The following MTHFD2L variants were observed in gnomAD, a reference collection of about 807,000 sequenced individuals.
MTHFD2L encodes bifunctional methylenetetrahydrofolate dehydrogenase/cyclohydrolase 2, mitochondrial.
Under a neutral mutation model 34.9 loss-of-function variants are expected in MTHFD2L, and 29 were observed. That is an observed-to-expected ratio of 0.83 (90% confidence interval 0.62 to 1.13). MTHFD2L has a LOEUF of 1.13. Among genes scored for constraint, MTHFD2L ranks in the 50% most tolerant of loss-of-function variants. MTHFD2L has a pLI of 0.00. For synonymous variants in MTHFD2L, 167 were observed against 155.7 expected (o/e 1.07, Z -0.54); for missense variants, 481 against 446.5 (o/e 1.08, Z -0.70).
chr4:74,259,948 A>T (rs1223006125), intron 6 of MTHFD2L, among the ~76,000 whole-genome samples: 1 of 152,222 alleles, frequency 6.6e-6, no homozygotes, highest in Non-Finnish European at 1.5e-5. Context: ...GTAGAGTAGC[A>T]TCTTACAGAG....
intron 6 of MTHFD2L, among the ~76,000 whole-genome samples, chr4:74,265,925 T>C (rs1745230196): frequency 6.6e-6 from 1 of 152,212 alleles, no homozygotes; most frequent in South Asian, 2.1e-4. Flanking sequence ...TTTTTTTCTT[T>C]TAACAAACAA....
In MTHFD2L at chr4:74,299,923, G is replaced by T. The variant is rs1750085068; in HGVS notation, c.932-1774G>T. 3.3e-5 allele frequency among the ~76,000 whole-genome samples: 5 copies of T among 152,098 alleles called. No individual in the cohort carries two copies. The South Asian group carries it at 1.0e-3, about 32-fold the overall frequency. ...CAACACTGGAGGAATGAGTTTTTCA[G>T]AAAAATTGTAGACAGGTGACATTTC... On this transcript the variant is annotated intron_variant, in intron 7 of 7. Coordinates refer to ENST00000325278, the MANE Select transcript of MTHFD2L (RefSeq NM_001144978.3).
chr4:74,158,447 G>A, intron 1 of MTHFD2L, 166 bp downstream of exon 1: 1 of 354,026 alleles, frequency 2.8e-6, no homozygotes, highest in Non-Finnish European at 4.0e-6. Flanking sequence ...GGTCGCGCGG[G>A]CGAGTCGCAG....
intron 1 of MTHFD2L, among the ~76,000 whole-genome samples, chr4:74,151,367 A>G (rs1225475180): frequency 6.6e-6 from 1 of 152,222 alleles, no homozygotes; most frequent in Non-Finnish European, 1.5e-5. Context: ...GATTGTATAA[A>G]TGACTAAAAT....
At chr4:74,187,396 T>G (rs485668) in intron 3 of MTHFD2L, among the ~76,000 whole-genome samples, 2 of 152,338 alleles carry the variant, frequency 1.3e-5, no homozygotes, top group East Asian at 1.9e-4. Context: ...AAATAATCAT[T>G]GCTGAAACTT....
intron 6 of MTHFD2L, among the ~76,000 whole-genome samples, chr4:74,249,840 T>C (rs1325739073): frequency 6.6e-6 from 1 of 152,234 alleles, no homozygotes; most frequent in African/African-American, 2.4e-5. Context: ...GAGTTTCTGC[T>C]GAGAGATCCA....
At chr4:74,184,743 A>G (rs953216486) in intron 3 of MTHFD2L, among the ~76,000 whole-genome samples, 1 of 152,186 alleles carries the variant, frequency 6.6e-6, no homozygotes, top group Non-Finnish European at 1.5e-5. Flanking sequence ...TAGAATATTT[A>G]CCAGTATATA....
rs558795722 is a variant in MTHFD2L at position 74,270,943 on chromosome 4, G to A, written c.806-10482G>A. Among the ~76,000 whole-genome samples the A allele has an allele frequency of 2.6e-5, 4 of 152,214 alleles. No homozygotes were observed. The East Asian group carries it at 7.7e-4, about 29-fold the overall frequency. On this transcript the variant is annotated intron_variant, in intron 6 of 7. Transcript: ENST00000325278. ...CCAGTGAGGATGAGCATTTTTTCATGTGTCTGTTGGCTGCATAAATGTCTT... is the reference window on the plus strand; with the variant it reads ...CCAGTGAGGATGAGCATTTTTTCATATGTCTGTTGGCTGCATAAATGTCTT...
At chr4:74,202,360 A>G (rs1348120676) in intron 5 of MTHFD2L, among the ~76,000 whole-genome samples, 2 of 152,220 alleles carry the variant, frequency 1.3e-5, no homozygotes, top group African/African-American at 4.8e-5. Flanking sequence ...ACTAAAGATA[A>G]GGGGACTAGG....
At chr4:74,226,679 T>C (rs924475784) in intron 6 of MTHFD2L, among the ~76,000 whole-genome samples, 4 of 152,202 alleles carry the variant, frequency 2.6e-5, no homozygotes, top group Non-Finnish European at 5.9e-5. Context: ...AAGATAGTAC[T>C]AAATTCATTC....
chr4:74,248,146 C>A (rs1028607057), intron 6 of MTHFD2L, among the ~76,000 whole-genome samples: 2 of 151,462 alleles, frequency 1.3e-5, no homozygotes, highest in African/African-American at 4.8e-5. Context: ...TGATTATTGC[C>A]ACAATTTCAG....
At chr4:74,158,438 G>A in intron 1 of MTHFD2L, 157 bp downstream of exon 1, 2 of 456,148 alleles carry the variant, frequency 4.4e-6, no homozygotes, top group East Asian at 1.4e-4. Flanking sequence ...GGCCTTGCCG[G>A]TCGCGCGGGC....
At chr4:74,264,730 A>G (rs898866704) in intron 6 of MTHFD2L, among the ~76,000 whole-genome samples, 1 of 151,928 alleles carries the variant, frequency 6.6e-6, no homozygotes, top group African/African-American at 2.4e-5. Context: ...AAATATTCCA[A>G]AGTGCTTATT....
chr4:74,212,950 C>T (rs1736586683), intron 5 of MTHFD2L, among the ~76,000 whole-genome samples: 1 of 151,874 alleles, frequency 6.6e-6, no homozygotes, highest in Non-Finnish European at 1.5e-5. Context: ...TTATGTAATG[C>T]CCTTCTTTGT....
intron 1 of MTHFD2L, among the ~76,000 whole-genome samples, chr4:74,130,023 A>C (rs545114949): frequency 3.3e-4 from 50 of 152,312 alleles, no homozygotes; most frequent in African/African-American, 1.2e-3. Flanking sequence ...ACACCCTCCC[A>C]AGACTAAACC....
At chr4:74,289,359 G>A (rs189886056) in intron 7 of MTHFD2L, among the ~76,000 whole-genome samples, 144 of 152,276 alleles carry the variant, frequency 9.5e-4, no homozygotes, top group Admixed American at 1.4e-3. Flanking sequence ...AAGACCTTGA[G>A]GGGGGCCTGG....
chr4:74,143,149 CA>C (rs375191203), intron 1 of MTHFD2L, among the ~76,000 whole-genome samples: 7 of 151,468 alleles, frequency 4.6e-5, no homozygotes, highest in Non-Finnish European at 7.4e-5. Context: ...AACAAACAAA[CA>C]AAAAAAACAA....
chr4:74,286,263 G>T (rs1169432780), intron 7 of MTHFD2L, among the ~76,000 whole-genome samples: 1 of 152,064 alleles, frequency 6.6e-6, no homozygotes. Context: ...ACATTATTTT[G>T]CATGTCTAAG....
chr4:74,225,226 ACT>A (rs1738950875), intron 5 of MTHFD2L, 74 bp from the exon 6 acceptor site: 2 of 1,088,682 alleles, frequency 1.8e-6, no homozygotes, highest in Middle Eastern at 2.0e-4. Context: ...AATAAGTGAA[ACT>A]CTTCTGGATT....
Sources: allele counts gnomAD v4.1 joint callset (sites outside exome capture counted in the v4.1 genomes callset), GRCh38; gene constraint gnomAD v4.1.1; transcripts MANE v1.5; gene names NCBI Gene and HGNC (gene_info 2026-07-23, HGNC 2026-07-21).